DGKB: variants seen among roughly 807,000 people sequenced by gnomAD.
DGKB encodes diacylglycerol kinase beta.
A neutral mutation model predicts 114.3 loss-of-function variants in DGKB; 67 were observed. That is an observed-to-expected ratio of 0.59 (90% CI 0.48 to 0.72). The LOEUF (loss-of-function observed/expected upper bound fraction) is 0.72. Ranked by LOEUF, DGKB falls within the 30% of genes least tolerant of loss-of-function variation. The pLI is 0.00. For synonymous variants in DGKB, 398 were observed against 323.1 expected, an observed-to-expected ratio of 1.23 and a Z score of -2.49; for missense variants, 907 against 975.2, an observed-to-expected ratio of 0.93 and a Z score of 0.93.
At chr7:14,330,822 T>C (rs985566984) in intron 23 of DGKB, among the ~76,000 whole-genome samples, 3 of 151,998 alleles carry the variant, frequency 2.0e-5, no homozygotes, top group Non-Finnish European at 2.9e-5. Flanking sequence ...CTATGACAAA[T>C]AGAAATTTCA....
At chr7:14,494,197 C>T (rs1170142272) in intron 20 of DGKB, among the ~76,000 whole-genome samples, 1 of 151,822 alleles carries the variant, frequency 6.6e-6, no homozygotes, top group African/African-American at 2.4e-5. Context: ...AATATATTGT[C>T]TTATGGAAGT....
chr7:14,327,593 C>T lies in DGKB; in HGVS notation c.2122+10922G>A, dbSNP rs370436908. Reference sequence around the variant, plus strand: ...CTGAGAGCTCCTCAAATCCTACACACATTTTAAATTGTTAAATTTGATACA... The same window carrying T: ...CTGAGAGCTCCTCAAATCCTACACATATTTTAAATTGTTAAATTTGATACA... On this transcript the variant is annotated intron_variant, in intron 23 of 25. Transcript: ENST00000402815. 2.0e-5 allele frequency among the ~76,000 whole-genome samples: 3 copies of T among 152,174 alleles called. No individual in the cohort carries two copies. The East Asian group carries it at 5.8e-4, about 29-fold the overall frequency.
chr7:14,245,156 A>G lies in DGKB; in HGVS notation c.2123-67005T>C, dbSNP rs757317500. On this transcript the variant is annotated intron_variant, in intron 23 of 25. Transcript: ENST00000402815. ...TTTACTGTATATTAGGGAAATGTGC[A>G]TATGTACACATACACACACACACAC... is the stretch of plus-strand genomic sequence containing the variant. Among the ~76,000 whole-genome samples, 8 of 151,478 alleles carry G rather than the reference A, an allele frequency of 5.3e-5. 1 individual carries two copies. The highest frequency in any genetic ancestry group is 1.0e-4 in the Non-Finnish European group (7 of 68,000).
intron 23 of DGKB, among the ~76,000 whole-genome samples, chr7:14,262,677 T>A (rs1406722912): frequency 6.6e-6 from 1 of 152,136 alleles, no homozygotes; most frequent in Non-Finnish European, 1.5e-5. Flanking sequence ...GCCAGGCATC[T>A]TTCTCAGGGC....
intron 2 of DGKB, among the ~76,000 whole-genome samples, chr7:14,820,978 A>G (rs1454400066): frequency 6.6e-6 from 1 of 152,162 alleles, no homozygotes; most frequent in Non-Finnish European, 1.5e-5. Context: ...CAGTAAATAT[A>G]CTGAATTGTC....
At chr7:14,828,717 A>G (rs1846030122) in intron 2 of DGKB, among the ~76,000 whole-genome samples, 2 of 152,188 alleles carry the variant, frequency 1.3e-5, no homozygotes, top group South Asian at 2.1e-4. Flanking sequence ...AAGTGTAAGC[A>G]GTCTAAAGTT....
In DGKB at chr7:14,338,702, T is replaced by G; in HGVS notation, c.1935A>C (p.Gly645=). ...AGATGTTTATTAAATCTATCTGTAC[T>G]CCATCACACTGATCGGTAAAAAGAA... is the stretch of plus-strand genomic sequence containing the variant. The part of the protein sequence containing the change: ...LHESVEIECD[G]VQIDLINISL... Residue 645 remains glycine (G), a synonymous_variant, in exon 23 of 26, where the codon GGA becomes GGC. Coordinates refer to ENST00000402815, the MANE Select transcript of DGKB (RefSeq NM_001350709.2). 6.8e-7 allele frequency: 1 copy of G among 1,478,082 alleles called. No homozygotes were observed. The highest frequency in any genetic ancestry group is 9.0e-7 in the Non-Finnish European group (1 of 1,107,866). 91.6% of individuals were successfully genotyped at this position (1,478,082 alleles called of 1,614,324 possible). A position where few individuals can be genotyped will look rare whatever the true frequency, so the allele number is the denominator to read the frequency against.
chr7:14,855,971 C>T (rs1389185579), intron 1 of DGKB, among the ~76,000 whole-genome samples: 2 of 143,278 alleles, frequency 1.4e-5, no homozygotes, highest in African/African-American at 5.2e-5. Flanking sequence ...TGACAATATG[C>T]TAATTTAGAT....
chr7:14,503,041 T>C (rs180816071), intron 20 of DGKB, among the ~76,000 whole-genome samples: 40 of 152,208 alleles, frequency 2.6e-4, no homozygotes, highest in South Asian at 2.1e-4. Context: ...TTCACTCCAG[T>C]AACTGTTTTT....
chr7:14,307,816 A>G (rs1238360662), intron 23 of DGKB, among the ~76,000 whole-genome samples: 6 of 152,118 alleles, frequency 3.9e-5, no homozygotes, highest in Admixed American at 2.0e-4. Flanking sequence ...TCAAAATCTC[A>G]TATAAGCTCT....
At chr7:14,931,537 G>A (rs1242677046) in intron 1 of DGKB, among the ~76,000 whole-genome samples, 1 of 152,174 alleles carries the variant, frequency 6.6e-6, no homozygotes, top group African/African-American at 2.4e-5. Context: ...GCAGTCCTCA[G>A]ACCTTTGGTG....
At chr7:14,539,643 T>C (rs1793092683) in intron 20 of DGKB, among the ~76,000 whole-genome samples, 1 of 152,156 alleles carries the variant, frequency 6.6e-6, no homozygotes, top group Admixed American at 6.5e-5. Flanking sequence ...GTCTTCTTGA[T>C]AGCCATGTTA....
intron 23 of DGKB, among the ~76,000 whole-genome samples, chr7:14,222,415 T>A (rs528539552): frequency 6.6e-6 from 1 of 151,478 alleles, no homozygotes; most frequent in Non-Finnish European, 1.5e-5. Context: ...TTTTAGAGTA[T>A]GTTTTTGAAT....
chr7:14,342,114 T>A (rs943846908), intron 22 of DGKB, among the ~76,000 whole-genome samples: 1 of 151,880 alleles, frequency 6.6e-6, no homozygotes, highest in Admixed American at 6.6e-5. Context: ...GTCTTTTGAA[T>A]CCTGCTAATT....
At chr7:14,415,358 G>A (rs1015581891) in intron 21 of DGKB, among the ~76,000 whole-genome samples, 1 of 151,926 alleles carries the variant, frequency 6.6e-6, no homozygotes, top group Non-Finnish European at 1.5e-5. Context: ...CCATGTTGGT[G>A]TGCTGCACCC....
At chr7:14,762,193 T>C (rs1199780398) in intron 2 of DGKB, among the ~76,000 whole-genome samples, 1 of 151,964 alleles carries the variant, frequency 6.6e-6, no homozygotes, top group African/African-American at 2.4e-5. Context: ...AAGCGGGAGG[T>C]GTTTTATTAA....
At chr7:14,722,959 C>G (rs1454073175) in intron 5 of DGKB, among the ~76,000 whole-genome samples, 1 of 151,756 alleles carries the variant, frequency 6.6e-6, no homozygotes, top group Admixed American at 6.6e-5. Context: ...GGTCCTCAAT[C>G]TATCTCCACA....
In DGKB at chr7:14,147,401, G is replaced by T. The variant is rs1338888394; in HGVS notation, c.*1730C>A. 1 of 152,118 alleles carries T rather than the reference G, an allele frequency of 6.6e-6. No individual in the cohort carries two copies. Among genetic ancestry groups the T allele is most frequent in the Non-Finnish European group, 1.5e-5 (1 of 67,982 alleles). 9.4% of individuals were successfully genotyped at this position (152,118 alleles called of 1,614,324 possible). On this transcript the variant is annotated 3_prime_UTR_variant, in exon 26 of 26. Coordinates refer to ENST00000402815, the MANE Select transcript of DGKB (RefSeq NM_001350709.2). The stretch of plus-strand genomic sequence containing the variant: ...GTCCAATGTTCCAGGAACACTAAAA[G>T]AATACACTTTGTACGTAATCTTCCA...
In DGKB at chr7:14,406,738, A is replaced by C. The variant is rs73279093; in HGVS notation, c.1836-61347T>G. The stretch of plus-strand genomic sequence containing the variant: ...ACTCTCCGCTTTTAAGCTAACTAGC[A>C]TGTTGAACAATTTATTTGTACAATA... On this transcript the variant is annotated intron_variant, in intron 21 of 25. Coordinates refer to ENST00000402815, the MANE Select transcript of DGKB (RefSeq NM_001350709.2). 9.0e-3 allele frequency among the ~76,000 whole-genome samples: 1,374 copies of C among 152,236 alleles called. 22 individuals carry two copies. The highest frequency in any genetic ancestry group is 0.032 in the African/African-American group (1,318 of 41,560).
Sources: gnomAD v4.1 joint callset for allele counts (sites outside exome capture counted in the v4.1 genomes callset) on GRCh38, gnomAD v4.1.1 for gene constraint, MANE v1.5 for transcripts, NCBI Gene and HGNC (gene_info 2026-07-23, HGNC 2026-07-21) for gene names.